TRPC5: variants seen among roughly 807,000 people sequenced by gnomAD.
TRPC5 encodes the protein short transient receptor potential channel 5.
TRPC5 carries 9 observed loss-of-function variants against 56.5 expected under a neutral mutation model. The ratio of observed to expected loss-of-function variants is 0.16; its 90% CI spans 0.10 to 0.28. The LOEUF is 0.28. Ranked by LOEUF, TRPC5 falls within the 10% of genes least tolerant of loss-of-function variation. TRPC5 has a pLI of 1.00. For synonymous variants in TRPC5, 282 were observed against 278.5 expected, an observed-to-expected ratio of 1.01 and a Z score of -0.13; for missense variants, 469 against 748.9, an observed-to-expected ratio of 0.63 and a Z score of 4.36.
intron 1 of TRPC5, among the ~76,000 whole-genome samples, chrX:111,996,886 A>G (rs971999462): frequency 9.0e-6 from 1 of 111,122 alleles, no homozygotes; most frequent in African/African-American, 3.3e-5. Flanking sequence ...ATTTTAGCCT[A>G]TGTGACTCTT....
At chrX:111,863,054 T>A (rs989419629) in intron 3 of TRPC5, among the ~76,000 whole-genome samples, 21 of 112,255 alleles carry the variant, frequency 1.9e-4, no homozygotes, top group Non-Finnish European at 3.0e-4. Context: ...AATTGGCTTT[T>A]TTCATGATGT....
chrX:111,942,758 T>C (rs1191239703), intron 2 of TRPC5, among the ~76,000 whole-genome samples: 1 of 112,234 alleles, frequency 8.9e-6, no homozygotes, highest in Admixed American at 9.4e-5. Flanking sequence ...AAATCCATTG[T>C]TTTCACCTAG....
chrX:111,995,720 C>A (rs914961515), intron 1 of TRPC5, among the ~76,000 whole-genome samples: 3 of 111,432 alleles, frequency 2.7e-5, no homozygotes, highest in African/African-American at 9.8e-5. Flanking sequence ...AGGAAATTAT[C>A]CATTTCTTCT....
intron 7 of TRPC5, among the ~76,000 whole-genome samples, chrX:111,789,888 T>A (rs2148554725): frequency 8.9e-6 from 1 of 112,183 alleles, no homozygotes; most frequent in Non-Finnish European, 1.9e-5. Flanking sequence ...AGAATGGCAA[T>A]CATTAAAAAG....
chrX:111,967,947 G>A (rs1438329478), intron 1 of TRPC5, among the ~76,000 whole-genome samples: 1 of 109,903 alleles, frequency 9.1e-6, no homozygotes, highest in Admixed American at 9.7e-5. Context: ...CAAAAGCAAT[G>A]GCAACCAAAG....
chrX:111,932,911 A>C (rs1471583933), intron 2 of TRPC5, among the ~76,000 whole-genome samples: 1 of 111,903 alleles, frequency 8.9e-6, no homozygotes, highest in Non-Finnish European at 1.9e-5. Context: ...TTTTCACTCC[A>C]GTACCCACTG....
chrX:112,076,411 C>T (rs754248735), intron 1 of TRPC5, among the ~76,000 whole-genome samples: 2 of 111,291 alleles, frequency 1.8e-5, no homozygotes, highest in African/African-American at 6.5e-5. Flanking sequence ...GTAGGTAGCA[C>T]CATGGGCTGG....
At chrX:112,032,791 T>C (rs141707558) in intron 1 of TRPC5, among the ~76,000 whole-genome samples, 1,183 of 112,234 alleles carry the variant, frequency 0.011, 15 homozygotes, top group African/African-American at 0.036. Flanking sequence ...CTTGTTTTTG[T>C]CTTTTTTAAA....
intron 1 of TRPC5, among the ~76,000 whole-genome samples, chrX:111,979,214 C>CGTGGATAAA (rs954759536): frequency 1.8e-5 from 2 of 111,086 alleles, no homozygotes; most frequent in Non-Finnish European, 3.8e-5. Flanking sequence ...AAAGGCAATT[C>CGTGGATAAA]GTGGATAAAG....
chrX:112,079,375 G>A (rs1265913552), intron 1 of TRPC5, among the ~76,000 whole-genome samples: 2 of 112,161 alleles, frequency 1.8e-5, no homozygotes, highest in Non-Finnish European at 3.8e-5. Flanking sequence ...ATTTAATATT[G>A]TAAGGAGAGA....
intron 3 of TRPC5, among the ~76,000 whole-genome samples, chrX:111,906,638 T>TA (rs1320961398): frequency 9.1e-6 from 1 of 109,573 alleles, no homozygotes; most frequent in African/African-American, 3.3e-5. Flanking sequence ...TCTCAAGTTT[T>TA]AAAAAGACAT....
intron 3 of TRPC5, among the ~76,000 whole-genome samples, chrX:111,874,115 G>A (rs972657750): frequency 8.9e-6 from 1 of 112,486 alleles, no homozygotes; most frequent in African/African-American, 3.2e-5. Context: ...GCTCAATTAA[G>A]CCAGCAACAT....
chrX:111,841,406 C>G (rs1483881557), intron 6 of TRPC5, among the ~76,000 whole-genome samples: 1 of 111,872 alleles, frequency 8.9e-6, no homozygotes, highest in African/African-American at 3.2e-5. Context: ...GTCTTTGCTA[C>G]TTACCATCTA....
At chrX:111,859,118 T>C (rs1401277308) in intron 3 of TRPC5, among the ~76,000 whole-genome samples, 2 of 111,977 alleles carry the variant, frequency 1.8e-5, no homozygotes, top group Non-Finnish European at 3.8e-5. Context: ...CTGTTGGCTT[T>C]TATGATTTCC....
At chrX:112,036,599 C>T (rs774266287) in intron 1 of TRPC5, among the ~76,000 whole-genome samples, 5 of 112,167 alleles carry the variant, frequency 4.5e-5, no homozygotes, top group Non-Finnish European at 9.4e-5. Context: ...TTGCCTTTTT[C>T]TTGATTCAGC....
At chrX:112,041,686 T>C (rs901564510) in intron 1 of TRPC5, among the ~76,000 whole-genome samples, 2 of 111,956 alleles carry the variant, frequency 1.8e-5, no homozygotes, top group African/African-American at 6.5e-5. Context: ...AGATCCTATC[T>C]TTTTAATTTT....
chrX:111,959,929 GAT>G (rs1373439974), intron 1 of TRPC5, among the ~76,000 whole-genome samples: 2 of 111,492 alleles, frequency 1.8e-5, no homozygotes, highest in Non-Finnish European at 3.8e-5. Context: ...AATGCAAAGA[GAT>G]CAGGGGAACT....
At chrX:112,036,704 T>A (rs1375132694) in intron 1 of TRPC5, among the ~76,000 whole-genome samples, 2 of 111,651 alleles carry the variant, frequency 1.8e-5, no homozygotes, top group Non-Finnish European at 3.8e-5. Flanking sequence ...TGTGGAGCAA[T>A]GGGAGTTTGG....
In TRPC5 at chrX:111,844,556, C is replaced by A. The variant is rs138639966; in HGVS notation, c.1700+2558G>T. On this transcript the variant is annotated intron_variant, in intron 6 of 10. Transcript: ENST00000262839. ...TCTCGGCTCACTGCAACCTCTGCCT[C>A]CTGGGTTCAAGCGATTCTCCTGCCT... Among the ~76,000 whole-genome samples, 259 of 105,332 alleles carry A rather than the reference C, an allele frequency of 2.5e-3. 4 individuals are homozygous for A. The East Asian group carries it at 0.051, about 21-fold the overall frequency. The allele number at this position is 105,332 out of a possible 115,157, so 91.5% of individuals were successfully genotyped here.
Sources: allele counts gnomAD v4.1 joint callset (sites outside exome capture counted in the v4.1 genomes callset), GRCh38; gene constraint gnomAD v4.1.1; transcripts MANE v1.5; gene names NCBI Gene and HGNC (gene_info 2026-07-23, HGNC 2026-07-21).